Variants in SORCS2 observed in about 807,000 individuals in gnomAD.
The protein encoded by SORCS2 is VPS10 domain-containing receptor SorCS2.
Under a neutral mutation model 141.6 loss-of-function variants are expected in SORCS2, and 100 were observed. That is an observed-to-expected ratio of 0.71 (90% CI 0.60 to 0.83). SORCS2 has a LOEUF of 0.83. Among genes scored for constraint, SORCS2 ranks in the 40% least tolerant of loss-of-function variants. The probability of loss-of-function intolerance (pLI) is 0.00; values close to 1 mark genes in which losing one functional copy is unlikely to be tolerated. For synonymous variants in SORCS2, 789 were observed against 676.9 expected (o/e 1.17, Z -2.57); for missense variants, 1,646 against 1,560.2 (o/e 1.05, Z -0.93).
intron 2 of SORCS2, chr4:7,434,174 C>T (rs56269914): frequency 0.025 from 40,260 of 1,613,864 alleles, 672 homozygotes; most frequent in Non-Finnish European, 0.028. Context: ...AGTGCTTGGT[C>T]AGCAGGGACA....
At chr4:7,582,738 C>G (rs1401763527) in intron 3 of SORCS2, among the ~76,000 whole-genome samples, 4 of 152,242 alleles carry the variant, frequency 2.6e-5, no homozygotes, top group Non-Finnish European at 5.9e-5. Context: ...ACCTCTTTCT[C>G]TATGGCCACA....
intron 2 of SORCS2, among the ~76,000 whole-genome samples, chr4:7,448,039 C>T (rs1439961566): frequency 2.0e-5 from 3 of 152,152 alleles, no homozygotes; most frequent in Admixed American, 6.5e-5. Context: ...CTGGGGTCAG[C>T]GGAGGCTCGC....
intron 2 of SORCS2, among the ~76,000 whole-genome samples, chr4:7,505,940 G>A (rs1370978368): frequency 1.3e-5 from 2 of 152,168 alleles, no homozygotes; most frequent in African/African-American, 4.8e-5. Context: ...AGTCTTCTGT[G>A]CCTCCACTTC....
At chr4:7,668,060 C>T (rs1180244405) in intron 8 of SORCS2, among the ~76,000 whole-genome samples, 1 of 152,216 alleles carries the variant, frequency 6.6e-6, no homozygotes, top group Non-Finnish European at 1.5e-5. Flanking sequence ...CCTTCCTCCA[C>T]ATTTATTTAC....
intron 1 of SORCS2, among the ~76,000 whole-genome samples, chr4:7,315,447 C>G (rs35566336): frequency 0.29 from 43,520 of 152,192 alleles, 6,411 homozygotes; most frequent in East Asian, 0.43. Context: ...GCAATGAACA[C>G]TGACTGGCTG....
At chr4:7,682,079 G>T (rs945457310) in intron 9 of SORCS2, among the ~76,000 whole-genome samples, 4 of 152,208 alleles carry the variant, frequency 2.6e-5, no homozygotes, top group African/African-American at 9.6e-5. Flanking sequence ...TGAAGTTGCT[G>T]ATAGTTGCAC....
At chr4:7,524,903 A>G (rs1733572342) in intron 2 of SORCS2, among the ~76,000 whole-genome samples, 1 of 152,114 alleles carries the variant, frequency 6.6e-6, no homozygotes, top group Admixed American at 6.5e-5. Context: ...CATGCTCCCC[A>G]TAGAAAGACG....
chr4:7,240,871 C>T (rs1199026697), intron 1 of SORCS2, among the ~76,000 whole-genome samples: 2 of 152,066 alleles, frequency 1.3e-5, no homozygotes, highest in Non-Finnish European at 2.9e-5. Context: ...TTTGCAGTTG[C>T]CAGATAAAAC....
chr4:7,248,488 G>T (rs1363443797), intron 1 of SORCS2, among the ~76,000 whole-genome samples: 3 of 152,192 alleles, frequency 2.0e-5, no homozygotes, highest in African/African-American at 7.2e-5. Flanking sequence ...CCAGTGTCCT[G>T]TGAGAATTGA....
At chr4:7,598,304 G>C (rs182804707) in intron 3 of SORCS2, among the ~76,000 whole-genome samples, 1 of 152,274 alleles carries the variant, frequency 6.6e-6, no homozygotes, top group East Asian at 1.9e-4. Context: ...GAGGTGGAGG[G>C]CTGGGGCTGG....
Position 7,503,438 on chromosome 4 carries a change from C to T in SORCS2, c.549-28092C>T, listed in dbSNP as rs139694702. 1.1e-4 allele frequency among the ~76,000 whole-genome samples: 16 copies of T among 152,062 alleles called. No individual in the cohort carries two copies. In the East Asian group the frequency reaches 2.7e-3, roughly 26 times the overall value. On this transcript the variant is annotated intron_variant, in intron 2 of 26. Coordinates refer to ENST00000507866, the MANE Select transcript of SORCS2 (RefSeq NM_020777.3). Reference sequence around the variant, plus strand: ...AACCACATGGAGATGAGCTAGAGACCGAGATGGAGATAGAGACATAGAGAG... The same window carrying T: ...AACCACATGGAGATGAGCTAGAGACTGAGATGGAGATAGAGACATAGAGAG...
intron 9 of SORCS2, among the ~76,000 whole-genome samples, chr4:7,677,587 G>A (rs1351404824): frequency 6.6e-6 from 1 of 152,196 alleles, no homozygotes; most frequent in Non-Finnish European, 1.5e-5. Flanking sequence ...GATGCAGGCT[G>A]GGAGAGTGTC....
chr4:7,200,908 C>A (rs959627067), intron 1 of SORCS2, among the ~76,000 whole-genome samples: 2 of 152,202 alleles, frequency 1.3e-5, no homozygotes, highest in Non-Finnish European at 2.9e-5. Context: ...TCTTCACTGT[C>A]TTCTTGAAAC....
At chr4:7,542,287 T>C (rs1298784199) in intron 3 of SORCS2, among the ~76,000 whole-genome samples, 1 of 152,268 alleles carries the variant, frequency 6.6e-6, no homozygotes, top group African/African-American at 2.4e-5. Context: ...CAAAAAAATA[T>C]GTCCGTGTCA....
At chr4:7,733,816 T>C (rs1711908251) in intron 24 of SORCS2, among the ~76,000 whole-genome samples, 1 of 152,172 alleles carries the variant, frequency 6.6e-6, no homozygotes, top group African/African-American at 2.4e-5. Flanking sequence ...AGCATCAACA[T>C]AGCCGGGGAG....
intron 1 of SORCS2, among the ~76,000 whole-genome samples, chr4:7,334,788 C>A (rs1719884467): frequency 6.6e-6 from 1 of 152,106 alleles, no homozygotes; most frequent in South Asian, 2.1e-4. Context: ...ACCTGTCCTC[C>A]TGGCCGGCTT....
At chr4:7,292,231 G>C (rs540621172) in intron 1 of SORCS2, among the ~76,000 whole-genome samples, 1 of 151,964 alleles carries the variant, frequency 6.6e-6, no homozygotes, top group East Asian at 1.9e-4. Flanking sequence ...TTCGCAGTCC[G>C]TTCACCAAGG....
intron 1 of SORCS2, among the ~76,000 whole-genome samples, chr4:7,250,711 C>T (rs974237426): frequency 6.6e-6 from 1 of 152,200 alleles, no homozygotes; most frequent in Non-Finnish European, 1.5e-5. Context: ...TACAAAGAGG[C>T]GAGGCCGAGG....
chr4:7,679,840 T>A (rs1723403084), intron 9 of SORCS2, among the ~76,000 whole-genome samples: 1 of 151,808 alleles, frequency 6.6e-6, no homozygotes, highest in Non-Finnish European at 1.5e-5. Context: ...TATTCTAAGC[T>A]GATGCTCAGC....
Sources: allele counts gnomAD v4.1 joint callset (sites outside exome capture counted in the v4.1 genomes callset), GRCh38; gene constraint gnomAD v4.1.1; transcripts MANE v1.5; gene names NCBI Gene and HGNC (gene_info 2026-07-23, HGNC 2026-07-21).